Variants in SLC5A12 observed in about 807,000 individuals in gnomAD.
SLC5A12 encodes sodium-coupled monocarboxylate transporter 2.
A neutral mutation model predicts 72.7 loss-of-function variants in SLC5A12; 46 were observed. That is an observed-to-expected ratio of 0.63 (90% CI 0.50 to 0.81). The LOEUF (loss-of-function observed/expected upper bound fraction) is 0.81. Ranked by LOEUF, SLC5A12 falls within the 30% of genes least tolerant of loss-of-function variation. The pLI, the probability that SLC5A12 is intolerant of heterozygous loss-of-function variation, is 0.00. For synonymous variants in SLC5A12, 275 were observed against 264.4 expected (o/e 1.04, Z -0.39); for missense variants, 683 against 740.7 (o/e 0.92, Z 0.90).
chr11:26,722,693 C>G (rs1565207820), upstream of SLC5A12, among the ~76,000 whole-genome samples: 1 of 151,982 alleles, frequency 6.6e-6, no homozygotes, highest in Non-Finnish European at 1.5e-5. Context: ...GAATTAGGAC[C>G]AGGACAAATT....
At chr11:26,705,925 TACACACACACACACACACACACACACAC>T (rs71047876) in intron 4 of SLC5A12, among the ~76,000 whole-genome samples, 11 of 129,624 alleles carry the variant, frequency 8.5e-5, no homozygotes, top group African/African-American at 2.2e-4. Flanking sequence ...TTCTCTGTCA[TACACACACACACACACACACACACACAC>T]ACACACACAC....
chr11:26,705,395 G>T (rs190369994), intron 4 of SLC5A12, among the ~76,000 whole-genome samples: 1 of 152,066 alleles, frequency 6.6e-6, no homozygotes, highest in Admixed American at 6.6e-5. Context: ...ATGAAATGAC[G>T]TGGTATTTTT....
intron 13 of SLC5A12, 134 bp downstream of exon 13, chr11:26,678,578 G>A: frequency 1.5e-6 from 1 of 652,316 alleles, no homozygotes; most frequent in Non-Finnish European, 2.7e-6. Context: ...AGCGTTGAGA[G>A]AGTAGACATC....
intron 7 of SLC5A12, among the ~76,000 whole-genome samples, chr11:26,697,937 G>T (rs184582880): frequency 4.1e-5 from 5 of 121,518 alleles, no homozygotes; most frequent in Non-Finnish European, 6.3e-5. Flanking sequence ...CACTCTTGTC[G>T]CCCAGGCTGG....
intron 8 of SLC5A12, among the ~76,000 whole-genome samples, chr11:26,695,553 T>C (rs1438171073): frequency 2.0e-5 from 3 of 152,130 alleles, no homozygotes; most frequent in African/African-American, 7.2e-5. Flanking sequence ...ATGTAAAACA[T>C]TAATATAAAT....
rs887735171 is a variant in SLC5A12, at chr11:26,670,104, T to G, written c.*998A>C. 6.6e-6 allele frequency: 1 copy of G among 152,132 alleles called. No homozygotes were observed. The highest frequency in any genetic ancestry group is 2.4e-5 in the African/African-American group (1 of 41,442). The allele number at this position is 152,132 out of a possible 1,614,324, so 9.4% of individuals were successfully genotyped here. A position where few individuals can be genotyped will look rare whatever the true frequency, so the allele number is the denominator to read the frequency against. ...AGACACGAACTATGAAGTTCTCCAC[T>G]TCTGTTACCTAACCCAGGTGGAGTG... On this transcript the variant is annotated 3_prime_UTR_variant, in exon 15 of 15. Transcript: ENST00000396005.
intron 1 of SLC5A12, among the ~76,000 whole-genome samples, chr11:26,715,799 G>C (rs1855337842): frequency 6.6e-6 from 1 of 152,146 alleles, no homozygotes; most frequent in African/African-American, 2.4e-5. Flanking sequence ...AAGGTAACAA[G>C]GACAAGCTGT....
intron 12 of SLC5A12, among the ~76,000 whole-genome samples, chr11:26,679,171 A>G (rs1034391044): frequency 6.6e-6 from 1 of 152,148 alleles, no homozygotes; most frequent in Non-Finnish European, 1.5e-5. Flanking sequence ...TGAGAAAGTC[A>G]CAAAGTCTAC....
rs192887875 is a variant in SLC5A12, at chr11:26,702,687, A to G, written c.821+844T>C. 2.5e-3 allele frequency among the ~76,000 whole-genome samples: 379 copies of G among 152,240 alleles called. 1 individual carries two copies. The highest frequency in any genetic ancestry group is 8.7e-3 in the African/African-American group (362 of 41,538). ...TATCCTTCAGAACAAGCAGACCAGG[A>G]AAGAGTCAGAGCAGCTGAGTTCCAC... is the stretch of plus-strand genomic sequence containing the variant. On this transcript the variant is annotated intron_variant, in intron 6 of 14. Transcript: ENST00000396005.
At chr11:26,687,046 G>A (rs758623137) in intron 9 of SLC5A12, among the ~76,000 whole-genome samples, 6 of 151,948 alleles carry the variant, frequency 3.9e-5, no homozygotes, top group African/African-American at 7.3e-5. Context: ...TCCCTTTGGC[G>A]CTTTTTTTTA....
chr11:26,698,221 T>A (rs1373943946), intron 7 of SLC5A12, among the ~76,000 whole-genome samples, 185 bp downstream of exon 7: 1 of 152,024 alleles, frequency 6.6e-6, no homozygotes, highest in African/African-American at 2.4e-5. Flanking sequence ...TTTTACATGC[T>A]CATTCCCCTG....
intron 11 of SLC5A12, among the ~76,000 whole-genome samples, chr11:26,681,611 C>G (rs2133146297): frequency 6.6e-6 from 1 of 152,240 alleles, no homozygotes; most frequent in East Asian, 1.9e-4. Flanking sequence ...AGCTTTTATA[C>G]AGAAATTATT....
Position 26,698,501 on chromosome 11 carries a change from T to C in SLC5A12, c.856A>G (p.Ile286Val), listed in dbSNP as rs778242519. 2.5e-6 allele frequency: 4 copies of C among 1,614,018 alleles called. No individual in the cohort carries two copies. The highest frequency in any genetic ancestry group is 2.5e-6 in the Non-Finnish European group (3 of 1,179,950). Residue 286 changes from isoleucine (I) to valine (V), a missense_variant, in exon 7 of 15, where the codon ATT becomes GTT. Physicochemically the swap from Ile to Val is conservative, Grantham distance 29. Coordinates refer to ENST00000396005, the MANE Select transcript of SLC5A12 (RefSeq NM_178498.4). ...LYFNLLGLWI[I>V]LVCAVFSGLI... ...CCAGAGAAGACAGCACACACCAGAATGATCCAGAGACCCAGCAAGTTAAAA... is the reference window on the plus strand; with the variant it reads ...CCAGAGAAGACAGCACACACCAGAACGATCCAGAGACCCAGCAAGTTAAAA...
In SLC5A12 at chr11:26,670,573, T is replaced by C. The variant is rs1854115567; in HGVS notation, c.*529A>G. On this transcript the variant is annotated 3_prime_UTR_variant, in exon 15 of 15. Coordinates refer to ENST00000396005, the MANE Select transcript of SLC5A12 (RefSeq NM_178498.4). ...GGTGAAGGGAGGTTAATAGTAGTTG[T>C]ATGCCAATTGTAGCTACAGGATGGG... The C allele has an allele frequency of 1.3e-5, 2 of 152,148 alleles. No homozygotes were observed. The highest frequency in any genetic ancestry group is 4.1e-4 in the South Asian group (2 of 4,822). 9.4% of individuals were successfully genotyped at this position (152,148 alleles called of 1,614,324 possible). A position where few individuals can be genotyped will look rare whatever the true frequency, so the allele number is the denominator to read the frequency against.
intron 1 of SLC5A12, among the ~76,000 whole-genome samples, chr11:26,717,559 G>C (rs1307068343): frequency 1.3e-5 from 2 of 152,116 alleles, no homozygotes; most frequent in Non-Finnish European, 2.9e-5. Context: ...CTTGTGACAG[G>C]GTAGTGATAA....
intron 9 of SLC5A12, 188 bp downstream of exon 9, chr11:26,692,301 A>T (rs1043984527): frequency 1.7e-6 from 1 of 576,962 alleles, no homozygotes; most frequent in East Asian, 2.9e-5. Flanking sequence ...AAGGTAAACT[A>T]GCTAGTCATT....
intron 1 of SLC5A12, chr11:26,716,161 A>G (rs998785054): frequency 2.6e-5 from 4 of 152,188 alleles, no homozygotes; most frequent in African/African-American, 7.2e-5. Context: ...CCACGAGGCT[A>G]TTGCTATAGG....
rs1854324363 is a variant in SLC5A12 at position 26,678,789 on chromosome 11, G to A, written c.1502C>T (p.Ser501Leu). ...SRPGIADTWY[S>L]ISYLYYSAVG... Reference sequence around the variant, plus strand: ...TGCACTGTAGTAAAGGTAGGAGATCGAGTACCAGGTATCAGCTATTCCAGG... The same window carrying A: ...TGCACTGTAGTAAAGGTAGGAGATCAAGTACCAGGTATCAGCTATTCCAGG... Residue 501 changes from serine to leucine, a missense_variant, in exon 13 of 15, where the codon TCG (serine) becomes TTG (leucine). Ser to Leu is a moderately radical substitution (Grantham distance 145). Coordinates refer to ENST00000396005, the MANE Select transcript of SLC5A12 (RefSeq NM_178498.4). 12 of 1,612,992 alleles carry A rather than the reference G, an allele frequency of 7.4e-6. 1 individual carries two copies. Among genetic ancestry groups the A allele is most frequent in the Middle Eastern group, 1.7e-4 (1 of 6,042 alleles).
At chr11:26,702,766 A>G (rs1318503661) in intron 6 of SLC5A12, among the ~76,000 whole-genome samples, 1 of 152,170 alleles carries the variant, frequency 6.6e-6, no homozygotes, top group African/African-American at 2.4e-5. Context: ...TCTCCTTGGA[A>G]ACTTTAAGAG....
Sources: gnomAD v4.1 joint callset for allele counts (sites outside exome capture counted in the v4.1 genomes callset) on GRCh38, gnomAD v4.1.1 for gene constraint, MANE v1.5 for transcripts, NCBI Gene and HGNC (gene_info 2026-07-23, HGNC 2026-07-21) for gene names.